FAT3: variants seen among roughly 807,000 people sequenced by gnomAD.
The protein encoded by FAT3 is protocadherin Fat 3.
In FAT3, 95 loss-of-function variants were observed where a neutral mutation model predicts 310.2. That is an observed-to-expected ratio of 0.31 (90% CI 0.26 to 0.36). The LOEUF (loss-of-function observed/expected upper bound fraction) is 0.36. Among genes scored for constraint, FAT3 ranks in the 10% least tolerant of loss-of-function variants. FAT3 has a pLI of 1.00. For synonymous variants in FAT3, 2,314 were observed against 2,192.9 expected, an observed-to-expected ratio of 1.06 and a Z score of -1.54; for missense variants, 5,408 against 5,715.6, an observed-to-expected ratio of 0.95 and a Z score of 1.74.
intron 2 of FAT3, among the ~76,000 whole-genome samples, chr11:92,482,292 G>A (rs1331714351): frequency 6.6e-6 from 1 of 152,020 alleles, no homozygotes; most frequent in East Asian, 1.9e-4. Flanking sequence ...AAAATTCTTG[G>A]CATGGATATT....
Position 92,292,346 on chromosome 11 carries a change from A to G in FAT3, c.-17-59750A>G, listed in dbSNP as rs141190596. Among the ~76,000 whole-genome samples the G allele has an allele frequency of 7.9e-4, 120 of 152,210 alleles. 1 individual carries two copies. The highest frequency in any genetic ancestry group is 2.8e-3 in the African/African-American group (115 of 41,570). ...TATTTTTTAATGAATCCAGATGTCC[A>G]GAACTGTATTTTTCCTCAAATTTTA... On this transcript the variant is annotated intron_variant, in intron 1 of 27. Coordinates refer to ENST00000525166, the MANE Select transcript of FAT3 (RefSeq NM_001367949.2).
chr11:92,616,681 A>G (rs1416367174), intron 3 of FAT3, among the ~76,000 whole-genome samples: 3 of 152,166 alleles, frequency 2.0e-5, no homozygotes, highest in Non-Finnish European at 4.4e-5. Context: ...GGTGGTGACA[A>G]AATCTCTCAG....
At chr11:92,626,857 A>G (rs1941359277) in intron 3 of FAT3, among the ~76,000 whole-genome samples, 1 of 152,180 alleles carries the variant, frequency 6.6e-6, no homozygotes, top group Non-Finnish European at 1.5e-5. Context: ...TGAACTATGC[A>G]TGGTGCTTGT....
chr11:92,476,241 T>G (rs376341134), intron 2 of FAT3, among the ~76,000 whole-genome samples: 12 of 152,188 alleles, frequency 7.9e-5, no homozygotes, highest in East Asian at 3.9e-4. Flanking sequence ...TAGATCACCA[T>G]CTTTTTGTTG....
chr11:92,754,658 C>T (rs1221630998), intron 4 of FAT3, among the ~76,000 whole-genome samples: 1 of 93,620 alleles, frequency 1.1e-5, no homozygotes, highest in African/African-American at 5.6e-5. Flanking sequence ...AGATAGAGAC[C>T]ATCCTGGCCA....
rs535292646 is a variant in FAT3 at position 92,407,541 on chromosome 11, CTT to C, written c.3292+52139_3292+52140del. Reference sequence around the variant, plus strand: ...CATTTACTGTAGTTTGCCTGTGTAACTTTGGGTTGATTTGAGAGGAAATGCCC... The same window carrying C: ...CATTTACTGTAGTTTGCCTGTGTAACTGGGTTGATTTGAGAGGAAATGCCC... On this transcript the variant is annotated intron_variant, in intron 2 of 27. Transcript: ENST00000525166. 7.9e-5 allele frequency among the ~76,000 whole-genome samples: 12 copies of C among 152,180 alleles called. No homozygotes were observed. In the South Asian group the frequency reaches 2.5e-3, roughly 32 times the overall value.
At chr11:92,240,308 C>T (rs1864623144) in intron 1 of FAT3, among the ~76,000 whole-genome samples, 1 of 151,968 alleles carries the variant, frequency 6.6e-6, no homozygotes, top group South Asian at 2.1e-4. Context: ...CTTTTCTTCT[C>T]CTTTTTTAAA....
intron 1 of FAT3, among the ~76,000 whole-genome samples, chr11:92,265,459 T>C (rs1395963072): frequency 6.6e-6 from 1 of 151,766 alleles, no homozygotes; most frequent in East Asian, 2.0e-4. Flanking sequence ...GGAAGGCAAA[T>C]GAGTAAACAG....
chr11:92,718,134 A>G (rs867434682), intron 4 of FAT3, among the ~76,000 whole-genome samples: 2 of 152,078 alleles, frequency 1.3e-5, no homozygotes, highest in Non-Finnish European at 2.9e-5. Context: ...TGTGCCTATA[A>G]TCCTGAGACA....
At position 92,865,589 on chromosome 11, in the gene FAT3, C is replaced by T. The variant is rs11020083; in HGVS notation, c.11659-1152C>T. Among the ~76,000 whole-genome samples, 125 of 152,328 alleles carry T rather than the reference C, an allele frequency of 8.2e-4. 3 individuals carry two copies. In the East Asian group the frequency reaches 0.016, roughly 20 times the overall value. On this transcript the variant is annotated intron_variant, in intron 21 of 27. Coordinates refer to ENST00000525166, the MANE Select transcript of FAT3 (RefSeq NM_001367949.2). ...GGCCAGAAAAGAAGCTTTTATTTCA[C>T]AATTTTTGGCTGTGAATCCCTTCAT...
At chr11:92,287,499 C>T (rs1946588688) in intron 1 of FAT3, among the ~76,000 whole-genome samples, 1 of 152,056 alleles carries the variant, frequency 6.6e-6, no homozygotes, top group Non-Finnish European at 1.5e-5. Flanking sequence ...GTACTACAGC[C>T]ATGTTTAGTT....
chr11:92,297,986 G>C (rs1317681901), intron 1 of FAT3, among the ~76,000 whole-genome samples: 6 of 152,212 alleles, frequency 3.9e-5, no homozygotes, highest in Non-Finnish European at 5.9e-5. Context: ...CCTGTCTGGT[G>C]GTAAGCTCTT....
rs1415370327 is a variant in FAT3, at chr11:92,268,575, G to T, written c.-18+43401G>T. Among the ~76,000 whole-genome samples, 18 of 151,654 alleles carry T rather than the reference G, an allele frequency of 1.2e-4. No individual in the cohort carries two copies. The East Asian group carries it at 3.5e-3, about 29-fold the overall frequency. Reference sequence around the variant, plus strand: ...ATTCTTTGTAAAAGTTTGGTTCCTTGCGTAGATAGAAGCTAATTGAGCTTT... The same window carrying T: ...ATTCTTTGTAAAAGTTTGGTTCCTTTCGTAGATAGAAGCTAATTGAGCTTT... On this transcript the variant is annotated intron_variant, in intron 1 of 27. Coordinates refer to ENST00000525166, the MANE Select transcript of FAT3 (RefSeq NM_001367949.2).
chr11:92,294,616 CTA>C (rs1946800530), intron 1 of FAT3, among the ~76,000 whole-genome samples: 2 of 151,618 alleles, frequency 1.3e-5, no homozygotes, highest in Admixed American at 1.3e-4. Flanking sequence ...AGAGTTCATT[CTA>C]TGTTGTTGTC....
chr11:92,288,597 G>A (rs938424620), intron 1 of FAT3, among the ~76,000 whole-genome samples: 2 of 152,022 alleles, frequency 1.3e-5, no homozygotes, highest in African/African-American at 4.8e-5. Flanking sequence ...ATGGATGAAT[G>A]TATGCCTTCT....
intron 4 of FAT3, among the ~76,000 whole-genome samples, chr11:92,747,455 C>T (rs1323927684): frequency 6.6e-6 from 1 of 152,174 alleles, no homozygotes; most frequent in East Asian, 1.9e-4. Flanking sequence ...ATTTTTTCCT[C>T]CTAGGCCTCC....
chr11:92,604,213 G>A (rs139153394), intron 3 of FAT3, among the ~76,000 whole-genome samples: 5 of 152,284 alleles, frequency 3.3e-5, no homozygotes, highest in Non-Finnish European at 7.4e-5. Context: ...TGAGCAGATA[G>A]CAAAATATGC....
chr11:92,418,282 G>C (rs954563728), intron 2 of FAT3, among the ~76,000 whole-genome samples: 4 of 151,996 alleles, frequency 2.6e-5, no homozygotes, highest in African/African-American at 9.7e-5. Flanking sequence ...CCATCATTTA[G>C]TGAATGCATT....
chr11:92,268,100 G>A (rs1316470460), intron 1 of FAT3, among the ~76,000 whole-genome samples: 2 of 149,566 alleles, frequency 1.3e-5, no homozygotes, highest in African/African-American at 2.5e-5. Flanking sequence ...AAAGGAGAAA[G>A]AAAACAAACA....
Sources: gnomAD v4.1 joint callset for allele counts (sites outside exome capture counted in the v4.1 genomes callset) on GRCh38, gnomAD v4.1.1 for gene constraint, MANE v1.5 for transcripts, NCBI Gene and HGNC (gene_info 2026-07-23, HGNC 2026-07-21) for gene names.